MAP3K15: variants seen among roughly 807,000 people sequenced by gnomAD.
MAP3K15 encodes MAPK/ERK kinase kinase 15.
In MAP3K15, 124 loss-of-function variants were observed where a neutral mutation model predicts 99.5. That is an observed-to-expected ratio of 1.25 (90% CI 1.08 to 1.45). The LOEUF is 1.45. Ranked by LOEUF, MAP3K15 falls within the 40% of genes most tolerant of loss-of-function variation. The probability of loss-of-function intolerance (pLI) is 0.00; values close to 1 mark genes in which losing one functional copy is unlikely to be tolerated. For missense variants in MAP3K15, 1,242 were observed against 1,079.7 expected, an observed-to-expected ratio of 1.15 and a Z score of -2.11; for synonymous variants, 494 against 439.6, an observed-to-expected ratio of 1.12 and a Z score of -1.55.
At chrX:19,425,201 G>T (rs748593702) in intron 9 of MAP3K15, among the ~76,000 whole-genome samples, 201 of 111,578 alleles carry the variant, frequency 1.8e-3, no homozygotes, top group African/African-American at 6.3e-3. Context: ...TTCTTGGTGT[G>T]CTTTTTTCAT....
intron 3 of MAP3K15, among the ~76,000 whole-genome samples, chrX:19,472,268 T>TAAA (rs1432642155): frequency 2.3e-5 from 2 of 88,126 alleles, no homozygotes; most frequent in African/African-American, 7.9e-5. Context: ...ATAATAATAA[T>TAAA]AAAGAAATTT....
Position 19,424,927 on chromosome X carries a change from A to G in MAP3K15, c.1439+604T>C, listed in dbSNP as rs190098096. Among the ~76,000 whole-genome samples, 30 of 109,463 alleles carry G rather than the reference A, an allele frequency of 2.7e-4. No homozygotes were observed. In the Middle Eastern group the frequency reaches 0.023, roughly 85 times the overall value. On this transcript the variant is annotated intron_variant, in intron 9 of 28. Transcript: ENST00000338883. ...CTCCGAGAGTGCCAGGATTACAGGT[A>G]TAAGTCACTACACCCAGTCTGTGTT...
At chrX:19,467,350 A>C (rs1234486419) in intron 3 of MAP3K15, among the ~76,000 whole-genome samples, 1 of 110,611 alleles carries the variant, frequency 9.0e-6, no homozygotes, top group Non-Finnish European at 1.9e-5. Context: ...CAGGCCACCA[A>C]CATTCTTATT....
intron 3 of MAP3K15, among the ~76,000 whole-genome samples, chrX:19,475,158 C>T (rs2064233811): frequency 9.0e-6 from 1 of 110,965 alleles, no homozygotes; most frequent in African/African-American, 3.3e-5. Context: ...TACAACTAGA[C>T]GGTCCCATCT....
chrX:19,362,601 G>T (rs1326736010), intron 26 of MAP3K15, 137 bp downstream of exon 26: 7 of 442,500 alleles, frequency 1.6e-5, no homozygotes, highest in Non-Finnish European at 2.4e-5. Context: ...TCTATCAGTA[G>T]TCCCTTTTTA....
intron 6 of MAP3K15, among the ~76,000 whole-genome samples, chrX:19,436,139 A>T (rs191678847): frequency 2.3e-4 from 23 of 101,783 alleles, no homozygotes; most frequent in Non-Finnish European, 3.9e-5. Context: ...GGGCAACAAG[A>T]GGGAAACGCC....
chrX:19,499,957 G>A (rs889376959), intron 1 of MAP3K15, among the ~76,000 whole-genome samples: 1 of 112,828 alleles, frequency 8.9e-6, no homozygotes. Flanking sequence ...TGTTTAAAAA[G>A]AATAATTGGC....
intron 9 of MAP3K15, among the ~76,000 whole-genome samples, chrX:19,423,176 TAAGAAAAAAAGAAAAAA>T (rs1419550668): frequency 9.4e-6 from 1 of 106,553 alleles, no homozygotes; most frequent in African/African-American, 3.4e-5. Context: ...TAAAGTATAA[TAAGAAAAAAAGAAAAAA>T]AAGAAAAAAA....
In MAP3K15 at chrX:19,457,209, GAGA is replaced by G. The variant is rs370640658; in HGVS notation, c.889-193_889-191del. Among the ~76,000 whole-genome samples, 631 of 112,104 alleles carry G rather than the reference GAGA, an allele frequency of 5.6e-3. 3 individuals are homozygous for G. The highest frequency in any genetic ancestry group is 0.018 in the African/African-American group (570 of 30,856). On this transcript the variant is annotated intron_variant, in intron 5 of 28. Transcript: ENST00000338883. ...ACCAGAAAATAAGATGGATGAGAGAGAGAAGAACAGAGAAGGAATCCCTGCTAT... is the reference window on the plus strand; with the variant it reads ...ACCAGAAAATAAGATGGATGAGAGAGAGAACAGAGAAGGAATCCCTGCTAT...
intron 25 of MAP3K15, among the ~76,000 whole-genome samples, chrX:19,366,006 CAAAAAAAA>C (rs1172350617): frequency 0.12 from 2,508 of 20,073 alleles, 140 homozygotes; most frequent in African/African-American, 0.24. Context: ...GCCTCCATCT[CAAAAAAAA>C]AAAAAAAAAA....
At chrX:19,475,935 C>T (rs2064239532) in intron 3 of MAP3K15, among the ~76,000 whole-genome samples, 2 of 111,873 alleles carry the variant, frequency 1.8e-5, no homozygotes, top group Admixed American at 9.5e-5. Context: ...TCCAAAGGTC[C>T]AAGAAGGCCA....
In MAP3K15 at chrX:19,456,422, A is replaced by G. The variant is rs183428978; in HGVS notation, c.995+491T>C. On this transcript the variant is annotated intron_variant, in intron 6 of 28. Transcript: ENST00000338883. Reference sequence around the variant, plus strand: ...TTTATGTGAAGTCAAGGACAAGCCAAACTCATCTATGGAGACAGAGGCTGT... The same window carrying G: ...TTTATGTGAAGTCAAGGACAAGCCAGACTCATCTATGGAGACAGAGGCTGT... 3.7e-3 allele frequency among the ~76,000 whole-genome samples: 419 copies of G among 112,464 alleles called. 1 individual carries two copies. Among genetic ancestry groups the G allele is most frequent in the Non-Finnish European group, 5.8e-3 (310 of 53,299 alleles).
chrX:19,393,053 C>G (rs1205664006), intron 16 of MAP3K15, among the ~76,000 whole-genome samples: 1 of 110,752 alleles, frequency 9.0e-6, no homozygotes, highest in Non-Finnish European at 1.9e-5. Context: ...ACAACCACTT[C>G]CCCCAATTAC....
At chrX:19,395,047 CA>C (rs1276172455) in intron 16 of MAP3K15, 33 bp downstream of exon 16, 3 of 1,190,459 alleles carry the variant, frequency 2.5e-6, no homozygotes, top group Non-Finnish European at 3.4e-6. Flanking sequence ...TAGTGATTTT[CA>C]GAATGTGAGA....
chrX:19,372,652 C>T lies in MAP3K15; in HGVS notation c.3108+1G>A, dbSNP rs1252933104. On this transcript the variant is annotated splice_donor_variant, in intron 22 of 28. Coordinates refer to ENST00000338883, the MANE Select transcript of MAP3K15 (RefSeq NM_001001671.4). LOFTEE classifies it high-confidence loss of function. ...GTCGGTGCCCTCCCTCGGGCAAATA[C>T]CTGGGCCACACACTCCTGCAGGTTG... 6.7e-6 allele frequency: 8 copies of T among 1,199,479 alleles called. No homozygotes were observed. Among genetic ancestry groups the T allele is most frequent in the Non-Finnish European group, 9.0e-6 (8 of 888,506 alleles).
rs1569208060 is a variant in MAP3K15, at chrX:19,391,693, AAAAG to A, written c.2431+305_2431+308del. Among the ~76,000 whole-genome samples, 45 of 107,965 alleles carry A rather than the reference AAAAG, an allele frequency of 4.2e-4. 2 individuals carry two copies. The South Asian group carries it at 0.017, about 40-fold the overall frequency. The allele number at this position is 107,965 out of a possible 115,157, so 93.8% of individuals were successfully genotyped here. ...CCGTCTCAAAAAAAAAAAAAAAAAA[AAAAG>A]AAAGAAAAAAAGAAAAAAAAGAAAA... On this transcript the variant is annotated intron_variant, in intron 18 of 28. Transcript: ENST00000338883.
chrX:19,370,418 C>T (rs1346670876), intron 24 of MAP3K15, among the ~76,000 whole-genome samples: 3 of 107,023 alleles, frequency 2.8e-5, no homozygotes, highest in Admixed American at 1.0e-4. Context: ...TTTATTGAGA[C>T]GGAATCTCAC....
At position 19,360,253 on chromosome X, in the gene MAP3K15, G is replaced by GTGTT. The variant is rs1383313844; in HGVS notation, c.*492_*495dup. ...TACAAGGCACATTCGTATCAGTTTT[G>GTGTT]TGTTTCTCAAATTGAAGTACCATAC... is the stretch of plus-strand genomic sequence containing the variant. On this transcript the variant is annotated 3_prime_UTR_variant, in exon 29 of 29. Transcript: ENST00000338883. 6.0e-5 allele frequency: 8 copies of GTGTT among 132,924 alleles called. No individual in the cohort carries two copies. In the South Asian group the frequency reaches 1.7e-3, roughly 28 times the overall value. The allele number at this position is 132,924 out of a possible 1,213,427, so 11.0% of individuals were successfully genotyped here.
At chrX:19,475,339 G>A (rs1032097744) in intron 3 of MAP3K15, among the ~76,000 whole-genome samples, 2 of 111,047 alleles carry the variant, frequency 1.8e-5, no homozygotes, top group African/African-American at 6.6e-5. Context: ...CGAGCAATGG[G>A]GGAGCAGCTA....
Sources: allele counts gnomAD v4.1 joint callset (sites outside exome capture counted in the v4.1 genomes callset), GRCh38; gene constraint gnomAD v4.1.1; transcripts MANE v1.5; gene names NCBI Gene and HGNC (gene_info 2026-07-23, HGNC 2026-07-21).